Variants in PPARGC1A observed in about 807,000 individuals in gnomAD.
The protein encoded by PPARGC1A is PPARG coactivator 1 alpha.
A neutral mutation model predicts 88.7 loss-of-function variants in PPARGC1A; 25 were observed. That is an observed-to-expected ratio of 0.28 (90% CI 0.21 to 0.39). PPARGC1A has a LOEUF of 0.39. Ranked by LOEUF, PPARGC1A falls within the 10% of genes least tolerant of loss-of-function variation. The pLI is 1.00. For missense variants in PPARGC1A, 880 were observed against 968.7 expected (o/e 0.91, Z 1.22); for synonymous variants, 363 against 355.6 (o/e 1.02, Z -0.24).
At chr4:24,103,663 G>C in the PPARGC1A span, among the ~76,000 whole-genome samples, 6 of 150,962 alleles carry the variant, frequency 4.0e-5, no homozygotes, top group Non-Finnish European at 7.4e-5. Context: ...TTGATGCTGT[G>C]TGTTATTTTT....
chr4:23,928,416 G>A, the PPARGC1A span, among the ~76,000 whole-genome samples: 1 of 152,176 alleles, frequency 6.6e-6, no homozygotes, highest in Admixed American at 6.5e-5. Flanking sequence ...ACGCCAGTCA[G>A]AGTAGTGATT....
chr4:23,802,761 T>C (rs1719051320), intron 10 of PPARGC1A, among the ~76,000 whole-genome samples: 3 of 149,944 alleles, frequency 2.0e-5, no homozygotes, highest in South Asian at 2.1e-4. Context: ...CCACTGAGCA[T>C]GGCAATTAGA....
At chr4:23,888,651 G>A (rs1014076951) in intron 1 of PPARGC1A, among the ~76,000 whole-genome samples, 3 of 152,192 alleles carry the variant, frequency 2.0e-5, no homozygotes, top group South Asian at 2.1e-4. Flanking sequence ...AGGCAAGGGA[G>A]GGCAAATGGA....
chr4:24,370,986 T>G, the PPARGC1A span, among the ~76,000 whole-genome samples: 19 of 152,116 alleles, frequency 1.2e-4, no homozygotes, highest in Middle Eastern at 6.8e-3. Flanking sequence ...TGTGTCCATG[T>G]GTTCTCATTG....
intron 2 of PPARGC1A, among the ~76,000 whole-genome samples, chr4:23,875,529 T>C (rs1441690906): frequency 6.6e-6 from 1 of 151,892 alleles, no homozygotes; most frequent in African/African-American, 2.4e-5. Context: ...TCACATACAT[T>C]CATTTCTCAG....
the PPARGC1A span, among the ~76,000 whole-genome samples, chr4:23,990,853 G>A: frequency 2.0e-5 from 3 of 152,022 alleles, no homozygotes; most frequent in Non-Finnish European, 2.9e-5. Flanking sequence ...CAAAAACCAC[G>A]TCGAGTAGGA....
the PPARGC1A span, among the ~76,000 whole-genome samples, chr4:23,922,115 G>A: frequency 6.6e-6 from 1 of 152,206 alleles, no homozygotes; most frequent in Non-Finnish European, 1.5e-5. Context: ...CAGTCTTAAA[G>A]GGGAAATGCT....
At chr4:23,809,939 G>A (rs1489822556) in intron 10 of PPARGC1A, among the ~76,000 whole-genome samples, 6 of 152,090 alleles carry the variant, frequency 3.9e-5, no homozygotes, top group African/African-American at 1.4e-4. Context: ...TGCCACAGAT[G>A]CACCCCTTAT....
the PPARGC1A span, among the ~76,000 whole-genome samples, chr4:24,238,822 A>G: frequency 6.8e-6 from 1 of 147,560 alleles, no homozygotes; most frequent in Non-Finnish European, 1.5e-5. Context: ...TCCACATGCT[A>G]AGTGCTAAGT....
At chr4:24,052,894 C>T in the PPARGC1A span, among the ~76,000 whole-genome samples, 22 of 109,626 alleles carry the variant, frequency 2.0e-4, no homozygotes, top group Non-Finnish European at 3.1e-4. Context: ...GATGGAGTCT[C>T]ACTCTCTCAC....
the PPARGC1A span, among the ~76,000 whole-genome samples, chr4:24,050,620 T>C: frequency 6.6e-6 from 1 of 152,062 alleles, no homozygotes; most frequent in East Asian, 1.9e-4. Context: ...CACATCAGAG[T>C]TCCCTAGTCT....
the PPARGC1A span, among the ~76,000 whole-genome samples, chr4:24,190,288 G>T: frequency 6.6e-6 from 1 of 152,168 alleles, no homozygotes; most frequent in Non-Finnish European, 1.5e-5. Flanking sequence ...GGCCGAGGTG[G>T]GTGGATCATG....
the PPARGC1A span, among the ~76,000 whole-genome samples, chr4:24,236,109 A>G: frequency 6.6e-6 from 1 of 152,216 alleles, no homozygotes; most frequent in East Asian, 1.9e-4. Context: ...ATTGGTATAC[A>G]TACTATTGCT....
chr4:24,287,058 G>A, the PPARGC1A span, among the ~76,000 whole-genome samples: 10 of 152,000 alleles, frequency 6.6e-5, no homozygotes, highest in Non-Finnish European at 1.5e-4. Context: ...TTAACTGAGA[G>A]GTTCTCAACC....
At chr4:23,942,061 G>C in the PPARGC1A span, among the ~76,000 whole-genome samples, 1 of 151,712 alleles carries the variant, frequency 6.6e-6, no homozygotes, top group Non-Finnish European at 1.5e-5. Flanking sequence ...TCTTTTCACT[G>C]TGAAAGATAG....
the PPARGC1A span, among the ~76,000 whole-genome samples, chr4:23,934,828 T>C: frequency 6.6e-6 from 1 of 152,130 alleles, no homozygotes; most frequent in Admixed American, 6.5e-5. Flanking sequence ...AGGAAGTGAA[T>C]AAGCAGGTTC....
chr4:24,285,860 C>T, the PPARGC1A span, among the ~76,000 whole-genome samples: 2 of 152,152 alleles, frequency 1.3e-5, no homozygotes, highest in African/African-American at 2.4e-5. Flanking sequence ...TATGTGATTT[C>T]GTTTCTCCCC....
chr4:24,260,951 C>T, the PPARGC1A span, among the ~76,000 whole-genome samples: 2 of 152,084 alleles, frequency 1.3e-5, no homozygotes, highest in Admixed American at 6.6e-5. Flanking sequence ...TTGACGCTTC[C>T]CCAATAAGTT....
chr4:24,406,414 T>C, the PPARGC1A span, among the ~76,000 whole-genome samples: 1 of 152,206 alleles, frequency 6.6e-6, no homozygotes, highest in East Asian at 1.9e-4. Flanking sequence ...ACCATTATTG[T>C]GTCTGTTTGG....
Sources: allele counts gnomAD v4.1 joint callset (sites outside exome capture counted in the v4.1 genomes callset), GRCh38; gene constraint gnomAD v4.1.1; transcripts MANE v1.5; gene names NCBI Gene and HGNC (gene_info 2026-07-23, HGNC 2026-07-21).